The following CADM2 variants were observed in gnomAD, a reference collection of about 807,000 sequenced individuals.
The protein encoded by CADM2 is immunoglobulin superfamily member 4D.
Under a neutral mutation model 49.8 loss-of-function variants are expected in CADM2, and 12 were observed. The observed-to-expected ratio is 0.24, with a 90% CI of 0.15 to 0.39. The LOEUF (loss-of-function observed/expected upper bound fraction) is 0.39. Among genes scored for constraint, CADM2 ranks in the 10% least tolerant of loss-of-function variants. CADM2 has a pLI of 1.00. For synonymous variants in CADM2, 214 were observed against 175.4 expected (o/e 1.22, Z -1.74); for missense variants, 378 against 492.3 (o/e 0.77, Z 2.20).
rs60511748 is a variant in CADM2, at chr3:85,139,264, C to G, written c.61+179596C>G. 9.9e-3 allele frequency among the ~76,000 whole-genome samples: 1,511 copies of G among 152,190 alleles called. 23 individuals carry two copies. Among genetic ancestry groups the G allele is most frequent in the African/African-American group, 0.033 (1,366 of 41,546 alleles). ...GTCAATACACACAGAAACACAAACA[C>G]AAATCTGTTTTTTTCAAGTGAGCCA... On this transcript the variant is annotated intron_variant, in intron 1 of 9. Coordinates refer to ENST00000383699, the MANE Select transcript of CADM2 (RefSeq NM_001167675.2).
chr3:85,756,835 T>C (rs1394692217), intron 2 of CADM2, among the ~76,000 whole-genome samples: 1 of 152,190 alleles, frequency 6.6e-6, no homozygotes, highest in Non-Finnish European at 1.5e-5. Flanking sequence ...TCTATGATTT[T>C]AAGAAATATT....
intron 6 of CADM2, among the ~76,000 whole-genome samples, chr3:85,933,058 T>C (rs1293378934): frequency 6.6e-6 from 1 of 152,144 alleles, no homozygotes; most frequent in African/African-American, 2.4e-5. Context: ...CAAAGCCACA[T>C]TGTGCGTTCC....
chr3:85,840,028 A>G (rs1010968325), intron 3 of CADM2, among the ~76,000 whole-genome samples: 2 of 151,844 alleles, frequency 1.3e-5, no homozygotes, highest in Non-Finnish European at 2.9e-5. Context: ...TATTTGATAT[A>G]TAATTTACCA....
At chr3:85,378,888 A>G (rs866383908) in intron 1 of CADM2, among the ~76,000 whole-genome samples, 13 of 152,052 alleles carry the variant, frequency 8.5e-5, no homozygotes, top group African/African-American at 7.2e-5. Flanking sequence ...AAAGTAAAAT[A>G]AAATAAATTA....
chr3:85,935,366 C>T (rs1721081504), intron 6 of CADM2, among the ~76,000 whole-genome samples: 1 of 151,982 alleles, frequency 6.6e-6, no homozygotes, highest in Non-Finnish European at 1.5e-5. Flanking sequence ...CCTGGTATTC[C>T]TGTAACAATG....
chr3:85,327,886 C>A (rs560711031), intron 1 of CADM2, among the ~76,000 whole-genome samples: 1 of 152,104 alleles, frequency 6.6e-6, no homozygotes, highest in African/African-American at 2.4e-5. Context: ...GCTAATTTAG[C>A]CACTAACCCA....
chr3:85,960,892 C>T, intron 7 of CADM2, among the ~76,000 whole-genome samples: 1 of 149,252 alleles, frequency 6.7e-6, no homozygotes, highest in Non-Finnish European at 1.5e-5. Context: ...AGATTTTTAT[C>T]TTTTTTATAT....
Position 86,071,548 on chromosome 3 carries a change from A to G in CADM2, c.*4765A>G, listed in dbSNP as rs1489180359. The G allele has an allele frequency of 1.3e-5, 2 of 151,934 alleles. No homozygotes were observed. Among genetic ancestry groups the G allele is most frequent in the African/African-American group, 2.4e-5 (1 of 41,442 alleles). 9.4% of individuals were successfully genotyped at this position (151,934 alleles called of 1,614,324 possible). On this transcript the variant is annotated 3_prime_UTR_variant, in exon 10 of 10. Transcript: ENST00000383699. ...AAGTTCTCTGCCATGCATACTTACA[A>G]TAATCCTTCTACCTCTCACTTTTAA...
rs910738642 is a variant in CADM2 at position 85,294,909 on chromosome 3, G to A, written c.61+335241G>A. On this transcript the variant is annotated intron_variant, in intron 1 of 9. Transcript: ENST00000383699. The stretch of plus-strand genomic sequence containing the variant: ...GGACTTCATGACTAAAACACCAAAA[G>A]CAATGGCAACAAAAGCCAAAATTGA... Among the ~76,000 whole-genome samples the A allele has an allele frequency of 6.6e-5, 10 of 152,272 alleles. 1 individual carries two copies. Among genetic ancestry groups the A allele is most frequent in the African/African-American group, 2.4e-4 (10 of 41,540 alleles).
chr3:85,972,381 A>G (rs184222903), intron 8 of CADM2, among the ~76,000 whole-genome samples: 1 of 151,868 alleles, frequency 6.6e-6, no homozygotes, highest in African/African-American at 2.4e-5. Flanking sequence ...ATATACCTCA[A>G]GTTCTAACAC....
intron 8 of CADM2, among the ~76,000 whole-genome samples, chr3:86,005,707 C>G (rs9985441): frequency 0.58 from 87,645 of 151,544 alleles, 25,481 homozygotes; most frequent in East Asian, 0.69. Context: ...ACAAACTATT[C>G]AATTATACAC....
intron 2 of CADM2, among the ~76,000 whole-genome samples, chr3:85,732,950 T>G (rs2067993173): frequency 6.6e-6 from 1 of 152,246 alleles, no homozygotes; most frequent in African/African-American, 2.4e-5. Context: ...ATCTCATTCA[T>G]TTAAATGCAT....
intron 7 of CADM2, among the ~76,000 whole-genome samples, chr3:85,958,990 A>C (rs1030257821): frequency 1.3e-5 from 2 of 151,666 alleles, no homozygotes; most frequent in African/African-American, 4.8e-5. Flanking sequence ...ACAAGCCTGC[A>C]TGTTCTACAC....
chr3:85,076,092 G>A (rs933085161), intron 1 of CADM2, among the ~76,000 whole-genome samples: 3 of 151,038 alleles, frequency 2.0e-5, no homozygotes, highest in Admixed American at 6.6e-5. Flanking sequence ...GTTACCATGT[G>A]CCAACTACTT....
At chr3:85,361,830 T>C (rs2032381091) in intron 1 of CADM2, among the ~76,000 whole-genome samples, 1 of 152,188 alleles carries the variant, frequency 6.6e-6, no homozygotes, top group African/African-American at 2.4e-5. Context: ...ATAGTCAATT[T>C]CTGAGAAGCT....
At chr3:85,134,254 C>G (rs936839964) in intron 1 of CADM2, among the ~76,000 whole-genome samples, 20 of 152,208 alleles carry the variant, frequency 1.3e-4, no homozygotes, top group Admixed American at 1.0e-3. Context: ...CTCCACACCT[C>G]CCTGCAAGCT....
chr3:85,246,980 A>G (rs2042663235), intron 1 of CADM2, among the ~76,000 whole-genome samples: 1 of 151,528 alleles, frequency 6.6e-6, no homozygotes, highest in Non-Finnish European at 1.5e-5. Context: ...CTTACATTTT[A>G]ATCTCTATAT....
chr3:85,926,859 GAGAA>G (rs1467070174), intron 6 of CADM2, among the ~76,000 whole-genome samples: 3 of 152,136 alleles, frequency 2.0e-5, no homozygotes, highest in Non-Finnish European at 4.4e-5. Context: ...TAACCAGATA[GAGAA>G]AGAGTTAATT....
rs192690592 is a variant in CADM2 at position 85,985,550 on chromosome 3, C to T, written c.970+23903C>T. ...GAAGAATAGAATGATTTTTAGTATA[C>T]GTCTGGAATGACTATAAAACCAGTC... is the stretch of plus-strand genomic sequence containing the variant. On this transcript the variant is annotated intron_variant, in intron 8 of 9. Coordinates refer to ENST00000383699, the MANE Select transcript of CADM2 (RefSeq NM_001167675.2). Among the ~76,000 whole-genome samples, 10 of 151,780 alleles carry T rather than the reference C, an allele frequency of 6.6e-5. 1 individual carries two copies. Among genetic ancestry groups the T allele is most frequent in the African/African-American group, 2.2e-4 (9 of 41,238 alleles).
Sources: allele counts gnomAD v4.1 joint callset (sites outside exome capture counted in the v4.1 genomes callset), GRCh38; gene constraint gnomAD v4.1.1; transcripts MANE v1.5; gene names NCBI Gene and HGNC (gene_info 2026-07-23, HGNC 2026-07-21).